The following AMMECR1 variants were observed in gnomAD, a reference collection of about 807,000 sequenced individuals.
The protein encoded by AMMECR1 is AMMECR nuclear protein 1.
In AMMECR1, 3 loss-of-function variants were observed where a neutral mutation model predicts 22.5. That is an observed-to-expected ratio of 0.13 (90% CI 0.06 to 0.35). AMMECR1 has a LOEUF of 0.35. Ranked by LOEUF, AMMECR1 falls within the 10% of genes least tolerant of loss-of-function variation. AMMECR1 has a pLI of 1.00. For synonymous variants in AMMECR1, 130 were observed against 116.7 expected, an observed-to-expected ratio of 1.11 and a Z score of -0.74; for missense variants, 235 against 278.7, an observed-to-expected ratio of 0.84 and a Z score of 1.12.
chrX:110,381,511 T>A (rs912674422), intron 2 of AMMECR1, among the ~76,000 whole-genome samples: 1 of 111,879 alleles, frequency 8.9e-6, no homozygotes, highest in Non-Finnish European at 1.9e-5. Flanking sequence ...GGAAAGCAGT[T>A]AAAGATTTCT....
At chrX:110,381,425 A>G (rs995872116) in intron 2 of AMMECR1, among the ~76,000 whole-genome samples, 4 of 111,978 alleles carry the variant, frequency 3.6e-5, no homozygotes, top group African/African-American at 9.8e-5. Flanking sequence ...CAAAAACAGC[A>G]GATGTTGAAG....
At chrX:110,376,004 A>G (rs1186922332) in intron 2 of AMMECR1, among the ~76,000 whole-genome samples, 1 of 111,618 alleles carries the variant, frequency 9.0e-6, no homozygotes, top group Non-Finnish European at 1.9e-5. Context: ...ACACCCTTCA[A>G]AGAAGGTAGT....
chrX:110,228,748 T>C (rs980272248), intron 2 of AMMECR1, among the ~76,000 whole-genome samples: 2 of 111,075 alleles, frequency 1.8e-5, no homozygotes, highest in African/African-American at 6.5e-5. Flanking sequence ...GTCTTAACTA[T>C]TGTCTTCCTC....
chrX:110,409,072 C>G (rs2068623123), intron 2 of AMMECR1, among the ~76,000 whole-genome samples: 1 of 111,480 alleles, frequency 9.0e-6, no homozygotes, highest in South Asian at 3.8e-4. Context: ...TCCGTTTGGC[C>G]TAATTAACTG....
At chrX:110,234,037 T>A (rs1483359610) in intron 2 of AMMECR1, among the ~76,000 whole-genome samples, 3 of 112,141 alleles carry the variant, frequency 2.7e-5, no homozygotes, top group Non-Finnish European at 5.6e-5. Context: ...GAAGTCAAAT[T>A]GTCCCTGTTT....
chrX:110,207,821 G>A (rs1174945212), intron 3 of AMMECR1, among the ~76,000 whole-genome samples: 1 of 111,452 alleles, frequency 9.0e-6, no homozygotes, highest in African/African-American at 3.3e-5. Context: ...TATAAAAGGA[G>A]GACATATGTC....
intron 2 of AMMECR1, among the ~76,000 whole-genome samples, chrX:110,234,621 C>T (rs1334799988): frequency 8.9e-6 from 1 of 111,785 alleles, no homozygotes; most frequent in East Asian, 2.8e-4. Context: ...GGTACTGGTA[C>T]CAAAACAGAG....
intron 1 of AMMECR1, among the ~76,000 whole-genome samples, chrX:110,265,201 A>G (rs1386098889): frequency 1.8e-5 from 2 of 111,648 alleles, no homozygotes; most frequent in Non-Finnish European, 1.9e-5. Flanking sequence ...AACTAATACA[A>G]GGAAAAAGGA....
At chrX:110,374,439 G>A (rs916082867) in intron 2 of AMMECR1, among the ~76,000 whole-genome samples, 1 of 111,695 alleles carries the variant, frequency 9.0e-6, no homozygotes, top group East Asian at 2.8e-4. Context: ...GCCTGAGATT[G>A]GATCCCCCAG....
intron 5 of AMMECR1, 102 bp downstream of exon 5, chrX:110,200,852 G>GA (rs1449187414): frequency 1.3e-5 from 7 of 556,701 alleles, no homozygotes; most frequent in African/African-American, 1.2e-4. Context: ...CTCTGTTTCA[G>GA]AAAAAAGAAG....
In AMMECR1 at chrX:110,317,898, A is replaced by T; in HGVS notation, c.174T>A (p.Gly58=). ...GAGTRLNGLG[G]LTGGGSGSGC... is the part of the protein sequence containing the mutation. ...CGCTGCCGCTACCTCCTCCGGTTAG[A>T]CCTCCCAGCCCGTTGAGCCGCGTAC... The change falls in exon 1 of 6, where the codon GGT becomes GGA. Residue 58 remains glycine (G), a synonymous_variant. Coordinates refer to ENST00000262844, the MANE Select transcript of AMMECR1 (RefSeq NM_015365.3). 1 of 1,193,165 alleles carries T rather than the reference A, an allele frequency of 8.4e-7. No homozygotes were observed. Among genetic ancestry groups the T allele is most frequent in the Non-Finnish European group, 1.1e-6 (1 of 886,649 alleles).
chrX:110,339,401 T>TAAAAAAAAA (rs10664998), intron 2 of AMMECR1, among the ~76,000 whole-genome samples: 1 of 48,960 alleles, frequency 2.0e-5, no homozygotes, highest in Non-Finnish European at 3.9e-5. Flanking sequence ...TGGTTTGTTG[T>TAAAAAAAAA]AAAAAAAAAA....
intron 2 of AMMECR1, among the ~76,000 whole-genome samples, chrX:110,396,361 C>G (rs976708012): frequency 5.4e-5 from 6 of 111,880 alleles, no homozygotes; most frequent in Non-Finnish European, 9.4e-5. Context: ...CTTTTTCCCT[C>G]TTATGCTTTA....
chrX:110,239,999 G>A (rs1319536025), intron 2 of AMMECR1, among the ~76,000 whole-genome samples: 1 of 111,360 alleles, frequency 9.0e-6, no homozygotes, highest in African/African-American at 3.3e-5. Context: ...TTATAGACAA[G>A]CAAATGCTGA....
chrX:110,252,988 C>T (rs958399335), intron 2 of AMMECR1, among the ~76,000 whole-genome samples: 2 of 111,592 alleles, frequency 1.8e-5, no homozygotes, highest in Admixed American at 9.6e-5. Context: ...ACCTGAAGGG[C>T]GTGAGGAAGC....
At chrX:110,366,750 C>T (rs748744819) in intron 2 of AMMECR1, among the ~76,000 whole-genome samples, 4 of 111,884 alleles carry the variant, frequency 3.6e-5, no homozygotes, top group Admixed American at 9.5e-5. Flanking sequence ...GCCCCAGCAG[C>T]CGAATGAGAT....
chrX:110,224,059 C>T (rs1006835419), intron 2 of AMMECR1, among the ~76,000 whole-genome samples: 2 of 111,726 alleles, frequency 1.8e-5, no homozygotes, highest in Non-Finnish European at 3.8e-5. Flanking sequence ...CTTTACTAAC[C>T]TACTCAATAA....
At chrX:110,435,247 A>T (rs762323989) in intron 1 of AMMECR1, among the ~76,000 whole-genome samples, 1 of 111,556 alleles carries the variant, frequency 9.0e-6, no homozygotes, top group Non-Finnish European at 1.9e-5. Context: ...AGGACAGGAC[A>T]GTCACTTCAG....
chrX:110,258,963 GGCTTTAAACTCATACT>G (rs2067724535), intron 2 of AMMECR1, among the ~76,000 whole-genome samples: 1 of 111,691 alleles, frequency 9.0e-6, no homozygotes, highest in Admixed American at 9.5e-5. Context: ...TGCTTATAAT[GGCTTTAAACTCATACT>G]GCTTTAGAAA....
Sources: gnomAD v4.1 joint callset for allele counts (sites outside exome capture counted in the v4.1 genomes callset) on GRCh38, gnomAD v4.1.1 for gene constraint, MANE v1.5 for transcripts, NCBI Gene and HGNC (gene_info 2026-07-23, HGNC 2026-07-21) for gene names.